The following CDKN2B-AS1 variants were observed in gnomAD, a reference collection of about 807,000 sequenced individuals.
CDKN2B-AS1 encodes CDKN2B and CDKN2A antisense cis and trans regulatory RNA 1.
At chr9:22,034,832 T>C (rs1438763660) in intron 1 of CDKN2B-AS1, among the ~76,000 whole-genome samples, 1 of 152,138 alleles carries the variant, frequency 6.6e-6, no homozygotes, top group Non-Finnish European at 1.5e-5. Context: ...AATAAGACTT[T>C]TAAAAATAAA....
intron 3 of CDKN2B-AS1, among the ~76,000 whole-genome samples, chr9:22,049,520 A>G (rs1285026829): frequency 6.6e-6 from 1 of 152,178 alleles, no homozygotes; most frequent in Non-Finnish European, 1.5e-5. Context: ...CCTCCAGTAC[A>G]TCTGCTCTTA....
At chr9:22,098,716 T>C (rs981804787) in intron 4 of CDKN2B-AS1, among the ~76,000 whole-genome samples, 2 of 152,292 alleles carry the variant, frequency 1.3e-5, no homozygotes, top group Non-Finnish European at 2.9e-5. Flanking sequence ...AACCAAGTCT[T>C]AGAAACATTA....
At chr9:22,009,036 C>T in intron 1 of CDKN2B-AS1, 1 of 1,589,712 alleles carries the variant, frequency 6.3e-7, no homozygotes, top group Non-Finnish European at 8.6e-7. Flanking sequence ...CTTTCCCACG[C>T]TGCTCCGGCG....
At chr9:22,091,799 T>G (rs1022961037) in intron 4 of CDKN2B-AS1, among the ~76,000 whole-genome samples, 5 of 152,216 alleles carry the variant, frequency 3.3e-5, no homozygotes, top group Admixed American at 2.0e-4. Flanking sequence ...CTTTTCCTAA[T>G]TGAATACTAT....
At chr9:22,125,366 A>C (rs911334172) in intron 4 of CDKN2B-AS1, among the ~76,000 whole-genome samples, 1 of 152,254 alleles carries the variant, frequency 6.6e-6, no homozygotes, top group Non-Finnish European at 1.5e-5. Context: ...AATTATTGAA[A>C]TATTTATAAA....
At chr9:22,048,179 A>G (rs1458551846) in intron 2 of CDKN2B-AS1, among the ~76,000 whole-genome samples, 1 of 152,152 alleles carries the variant, frequency 6.6e-6, no homozygotes, top group Non-Finnish European at 1.5e-5. Context: ...CAACTTTTCA[A>G]CACTGTCATC....
In CDKN2B-AS1 at chr9:22,039,476, T is replaced by G. The variant is rs1822817184; in HGVS notation, n.30-7275T>G. On this transcript the variant is annotated intron_variant and non_coding_transcript_variant, in intron 1 of 4. Transcript: ENST00000650946. This position sits in a 1 kb window ranked among gnomAD's most constrained non-coding sequence, Gnocchi z 4.4. Reference sequence around the variant, plus strand: ...TGCGCAACATCTGTTTACTCTGTGTTTTAACATCTGTGTGGATAGCATTGT... The same window carrying G: ...TGCGCAACATCTGTTTACTCTGTGTGTTAACATCTGTGTGGATAGCATTGT... Among the ~76,000 whole-genome samples, 1 of 152,076 alleles carries G rather than the reference T, an allele frequency of 6.6e-6. No homozygotes were observed. The highest frequency in any genetic ancestry group is 1.5e-5 in the Non-Finnish European group (1 of 67,966).
At chr9:22,014,088 G>C (rs1821632791) in intron 1 of CDKN2B-AS1, among the ~76,000 whole-genome samples, 1 of 151,786 alleles carries the variant, frequency 6.6e-6, no homozygotes, top group Non-Finnish European at 1.5e-5. Context: ...TATTTTCTTG[G>C]GGATGGCAAA....
At chr9:22,076,865 G>A (rs941515913) in intron 4 of CDKN2B-AS1, among the ~76,000 whole-genome samples, 8 of 152,052 alleles carry the variant, frequency 5.3e-5, no homozygotes, top group African/African-American at 1.9e-4. Context: ...GCTAATTTTT[G>A]TAGAGACAGG....
At chr9:22,060,576 C>T (rs1823774914) in intron 4 of CDKN2B-AS1, among the ~76,000 whole-genome samples, 1 of 152,190 alleles carries the variant, frequency 6.6e-6, no homozygotes, top group Non-Finnish European at 1.5e-5. Flanking sequence ...CCAGTCCCTG[C>T]CTGTTACCCA....
chr9:22,045,038 TTG>T (rs3028395), intron 1 of CDKN2B-AS1, among the ~76,000 whole-genome samples: 2,751 of 141,916 alleles, frequency 0.019, 29 homozygotes, highest in Non-Finnish European at 0.028. Context: ...TATTATTTAT[TTG>T]TGTGTGTGTG....
chr9:22,007,368 A>AAAAT (rs1291404273), intron 1 of CDKN2B-AS1, among the ~76,000 whole-genome samples: 31 of 152,104 alleles, frequency 2.0e-4, no homozygotes, highest in South Asian at 4.1e-4. Context: ...CAAAAAAAAT[A>AAAAT]AAATAAATAA....
chr9:22,010,592 G>C (rs1821449535), intron 1 of CDKN2B-AS1, among the ~76,000 whole-genome samples: 1 of 152,088 alleles, frequency 6.6e-6, no homozygotes, highest in Admixed American at 6.5e-5. Flanking sequence ...TCTTTTAAAG[G>C]CAGTGGAAGT....
chr9:22,021,359 A>G (rs1358047274), intron 1 of CDKN2B-AS1, among the ~76,000 whole-genome samples: 4 of 152,166 alleles, frequency 2.6e-5, no homozygotes, highest in African/African-American at 9.7e-5. Context: ...AGGTAATGTG[A>G]TGCCTCCAGC....
chr9:22,008,949 C>A (rs763615328), intron 1 of CDKN2B-AS1: 1 of 1,613,058 alleles, frequency 6.2e-7, no homozygotes, highest in Admixed American at 1.7e-5. Context: ...GTTCTCCTCG[C>A]GCATTCCGCA....
chr9:22,016,177 A>G (rs866742122), intron 1 of CDKN2B-AS1, among the ~76,000 whole-genome samples: 3 of 152,248 alleles, frequency 2.0e-5, no homozygotes, highest in African/African-American at 4.8e-5. Flanking sequence ...GCCCATGCCT[A>G]TGTCCTGAAT....
intron 4 of CDKN2B-AS1, among the ~76,000 whole-genome samples, chr9:22,102,140 A>G (rs1477777502): frequency 6.6e-6 from 1 of 152,198 alleles, no homozygotes; most frequent in African/African-American, 2.4e-5. Context: ...TATTGGGCTC[A>G]TGGTAACTGA....
exon 5 of CDKN2B-AS1, among the ~76,000 whole-genome samples, chr9:22,127,893 T>C (rs75916091): frequency 0.03 from 4,560 of 152,070 alleles, 230 homozygotes; most frequent in African/African-American, 0.1. Flanking sequence ...AAAAGTAGAG[T>C]GGTGAAATAA....
intron 4 of CDKN2B-AS1, among the ~76,000 whole-genome samples, chr9:22,102,221 C>G (rs1218027194): frequency 6.6e-6 from 1 of 152,180 alleles, no homozygotes; most frequent in Non-Finnish European, 1.5e-5. Flanking sequence ...GCCACTCTCA[C>G]TTTCTGTTTT....
Sources: allele counts gnomAD v4.1 joint callset (sites outside exome capture counted in the v4.1 genomes callset), GRCh38; gene constraint gnomAD v4.1.1; non-coding constraint Gnocchi (gnomAD v3.1); transcripts MANE v1.5; gene names NCBI Gene and HGNC (gene_info 2026-07-23, HGNC 2026-07-21).